Variants in PROM1 observed in about 807,000 individuals in gnomAD.
The protein encoded by PROM1 is prominin 1.
In PROM1, 105 loss-of-function variants were observed where a neutral mutation model predicts 116.9. The observed-to-expected ratio is 0.90, with a 90% CI of 0.77 to 1.06. The LOEUF is 1.06. PROM1 is among the 50% of genes least tolerant of loss of function. PROM1 has a pLI of 0.00. For missense variants in PROM1, 1,122 were observed against 1,045.2 expected (o/e 1.07, Z -1.01); for synonymous variants, 393 against 387.0 (o/e 1.02, Z -0.18).
chr4:15,988,928 C>T (rs902070461), intron 19 of PROM1, among the ~76,000 whole-genome samples: 3 of 152,134 alleles, frequency 2.0e-5, no homozygotes, highest in Admixed American at 6.5e-5. Flanking sequence ...GATGTTGGGG[C>T]TAAGTGGATT....
intron 13 of PROM1, among the ~76,000 whole-genome samples, chr4:16,003,019 C>A (rs1478178351): frequency 6.6e-6 from 1 of 152,298 alleles, no homozygotes; most frequent in African/African-American, 2.4e-5. Flanking sequence ...GTATGGCCAG[C>A]AGAACCTAAA....
intron 20 of PROM1, among the ~76,000 whole-genome samples, 155 bp from the exon 21 acceptor site, chr4:15,986,192 G>A (rs1425575106): frequency 1.3e-5 from 2 of 152,168 alleles, no homozygotes; most frequent in African/African-American, 4.8e-5. Context: ...AGGCCCCTGA[G>A]GGCAGGGAAG....
chr4:16,031,680 G>A (rs1732727354), intron 5 of PROM1, among the ~76,000 whole-genome samples: 1 of 152,122 alleles, frequency 6.6e-6, no homozygotes, highest in African/African-American at 2.4e-5. Flanking sequence ...GAGGGAGAGA[G>A]AGATTGACAG....
chr4:16,044,844 A>T (rs1394001541), intron 2 of PROM1, among the ~76,000 whole-genome samples: 1 of 152,176 alleles, frequency 6.6e-6, no homozygotes, highest in African/African-American at 2.4e-5. Context: ...GACAGGGGGA[A>T]GTAGGCAAAC....
intron 23 of PROM1, among the ~76,000 whole-genome samples, chr4:15,983,279 A>T (rs778750189): frequency 6.6e-6 from 1 of 152,204 alleles, no homozygotes; most frequent in Non-Finnish European, 1.5e-5. Context: ...GTGAATATTC[A>T]TTGAGTGCTG....
rs1743852134 is a variant in PROM1 at position 16,075,850 on chromosome 4, TGAAA to T, written c.53_56del (p.Phe18Ter). On this transcript the variant is annotated frameshift_variant, in exon 2 of 28. Coordinates refer to ENST00000447510, the MANE Select transcript of PROM1 (RefSeq NM_006017.3). LOFTEE classifies it high-confidence loss of function. Reference sequence around the variant, plus strand: ...CATCTGTGGATGAAGGCTGCCCTCCTGAAAAGGAGTTCCCGCACAGCCCCAGCAG... The same window carrying T: ...CATCTGTGGATGAAGGCTGCCCTCCTAGGAGTTCCCGCACAGCCCCAGCAG... 1.2e-6 allele frequency: 2 copies of T among 1,613,688 alleles called. No individual in the cohort carries two copies. Among genetic ancestry groups the T allele is most frequent in the East Asian group, 4.5e-5 (2 of 44,858 alleles).
chr4:15,988,042 A>G (rs1468349646), intron 19 of PROM1, among the ~76,000 whole-genome samples: 2 of 151,908 alleles, frequency 1.3e-5, no homozygotes, highest in African/African-American at 4.8e-5. Flanking sequence ...ACGCCCGGCT[A>G]ATTTTTTGTA....
In PROM1 at chr4:15,998,490, T is replaced by G. The variant is rs1472802723; in HGVS notation, c.1579-2A>C. 1.9e-6 allele frequency: 3 copies of G among 1,595,556 alleles called. No homozygotes were observed. The African/African-American group carries it at 4.0e-5, about 21-fold the overall frequency. ...TAGTAAGTAGGGTGTATCCAAAACCTAGAACACATTAGGAAGTATTTTCGA... is the reference window on the plus strand; with the variant it reads ...TAGTAAGTAGGGTGTATCCAAAACCGAGAACACATTAGGAAGTATTTTCGA... On this transcript the variant is annotated splice_acceptor_variant, in intron 14 of 27. Transcript: ENST00000447510. LOFTEE classifies it high-confidence loss of function.
chr4:15,988,672 G>T (rs889471328), intron 19 of PROM1, among the ~76,000 whole-genome samples: 1 of 152,124 alleles, frequency 6.6e-6, no homozygotes, highest in Non-Finnish European at 1.5e-5. Flanking sequence ...CTCTGAAAAG[G>T]CCAAAGGGTC....
intron 2 of PROM1, among the ~76,000 whole-genome samples, chr4:16,068,721 G>A (rs1409631154): frequency 6.6e-6 from 1 of 152,096 alleles, no homozygotes; most frequent in Non-Finnish European, 1.5e-5. Context: ...TGTCCTTACA[G>A]CTAATAGGAT....
chr4:16,035,182 C>G (rs1463374105), intron 4 of PROM1, among the ~76,000 whole-genome samples: 1 of 152,156 alleles, frequency 6.6e-6, no homozygotes, highest in Non-Finnish European at 1.5e-5. Context: ...CCTCGAGGAC[C>G]AATACCACTT....
intron 15 of PROM1, among the ~76,000 whole-genome samples, chr4:15,994,370 G>A (rs1721802651): frequency 6.6e-6 from 1 of 152,182 alleles, no homozygotes; most frequent in Non-Finnish European, 1.5e-5. Flanking sequence ...TACAGATTGG[G>A]AAGAAATAAA....
intron 2 of PROM1, among the ~76,000 whole-genome samples, chr4:16,060,935 C>G (rs1222186187): frequency 1.3e-5 from 2 of 152,030 alleles, no homozygotes; most frequent in Non-Finnish European, 2.9e-5. Flanking sequence ...TCGGGTATAC[C>G]CAGGAGCCCT....
At chr4:16,031,216 A>G (rs1732622666) in intron 5 of PROM1, among the ~76,000 whole-genome samples, 1 of 152,236 alleles carries the variant, frequency 6.6e-6, no homozygotes, top group South Asian at 2.1e-4. Flanking sequence ...TCTAACTAGA[A>G]GCCCTAAGGG....
At chr4:16,051,591 G>C (rs1737905961) in intron 2 of PROM1, among the ~76,000 whole-genome samples, 1 of 152,308 alleles carries the variant, frequency 6.6e-6, no homozygotes, top group East Asian at 1.9e-4. Context: ...TTTGGCCACA[G>C]GTTGAGTGCA....
rs1028690916 is a variant in PROM1, at chr4:16,076,068, G to A, written c.-162C>T. 2 of 1,384,598 alleles carry A rather than the reference G, an allele frequency of 1.4e-6. No individual in the cohort carries two copies. The highest frequency in any genetic ancestry group is 2.9e-5 in the African/African-American group (2 of 68,570). The allele number at this position is 1,384,598 out of a possible 1,614,324, so 85.8% of individuals were successfully genotyped here. A position where few individuals can be genotyped will look rare whatever the true frequency, so the allele number is the denominator to read the frequency against. ...TCTGTCTGAGGCTGGCTTGAGGCGA[G>A]GGATGCGGAAGAATGTTCTCCAAGG... On this transcript the variant is annotated 5_prime_UTR_variant, in exon 2 of 28. Coordinates refer to ENST00000447510, the MANE Select transcript of PROM1 (RefSeq NM_006017.3).
chr4:16,039,677 G>T, intron 2 of PROM1, among the ~76,000 whole-genome samples: 1 of 150,000 alleles, frequency 6.7e-6, no homozygotes, highest in African/African-American at 2.5e-5. Context: ...GGTGGAGGTT[G>T]CAGTGAGCCG....
chr4:15,986,082 G>T, intron 20 of PROM1, 45 bp from the exon 21 acceptor site: 1 of 1,361,110 alleles, frequency 7.3e-7, no homozygotes, highest in Non-Finnish European at 1.0e-6. Flanking sequence ...GTCATAGAAA[G>T]TTTTAATTAG....
intron 2 of PROM1, among the ~76,000 whole-genome samples, chr4:16,056,088 T>C (rs1446540263): frequency 6.6e-6 from 1 of 151,952 alleles, no homozygotes; most frequent in Non-Finnish European, 1.5e-5. Context: ...GGAAAGAGGA[T>C]TGACTGAGAA....
Sources: gnomAD v4.1 joint callset for allele counts (sites outside exome capture counted in the v4.1 genomes callset) on GRCh38, gnomAD v4.1.1 for gene constraint, MANE v1.5 for transcripts, NCBI Gene and HGNC (gene_info 2026-07-23, HGNC 2026-07-21) for gene names.